Variants in FAM167A observed in about 807,000 individuals in gnomAD.
FAM167A encodes the protein protein FAM167A.
A neutral mutation model predicts 14.9 loss-of-function variants in FAM167A; 23 were observed. The ratio of observed to expected loss-of-function variants is 1.55; its 90% CI spans 1.11 to 2.19. FAM167A has a LOEUF of 2.19. FAM167A is among the 30% of genes most tolerant of loss of function. The pLI is 0.00. For missense variants in FAM167A, 401 were observed against 281.5 expected (o/e 1.42, Z -3.04); for synonymous variants, 174 against 117.7 (o/e 1.48, Z -3.10).
intron 1 of FAM167A, among the ~76,000 whole-genome samples, chr8:11,464,165 C>T (rs573580499): frequency 1.7e-3 from 254 of 152,200 alleles, no homozygotes; most frequent in African/African-American, 5.8e-3. Context: ...GGGAGCAGCC[C>T]CCCTTGAACT....
At chr8:11,443,540 C>T (rs566877981) in intron 2 of FAM167A, 15 of 166,628 alleles carry the variant, frequency 9.0e-5, no homozygotes, top group Admixed American at 7.2e-4. Flanking sequence ...CTCACAGCAG[C>T]GCCCTGCACA....
rs1057054458 is a variant in FAM167A at position 11,424,133 on chromosome 8, C to T, written c.*240G>A. On this transcript the variant is annotated 3_prime_UTR_variant, in exon 3 of 3. Coordinates refer to ENST00000284486, the MANE Select transcript of FAM167A (RefSeq NM_053279.3). ...GTCTCCTTTAACATCTTGGTTGGAGCGGCCCTTCTGCAGAGCTCTTTGGGT... is the reference window on the plus strand; with the variant it reads ...GTCTCCTTTAACATCTTGGTTGGAGTGGCCCTTCTGCAGAGCTCTTTGGGT... The T allele has an allele frequency of 2.5e-5, 13 of 525,000 alleles. No homozygotes were observed. The highest frequency in any genetic ancestry group is 1.9e-4 in the Admixed American group (6 of 31,440). The allele number at this position is 525,000 out of a possible 1,614,324, so 32.5% of individuals were successfully genotyped here.
chr8:11,467,221 A>C (rs1375691251), upstream of FAM167A, among the ~76,000 whole-genome samples: 1 of 152,238 alleles, frequency 6.6e-6, no homozygotes, highest in Non-Finnish European at 1.5e-5. Flanking sequence ...AAGTGTAGGC[A>C]TCTCTGGCTG....
intron 2 of FAM167A, chr8:11,438,488 G>C (rs1447331169): frequency 2.2e-6 from 1 of 457,254 alleles, no homozygotes; most frequent in Non-Finnish European, 4.4e-6. Context: ...GATTACATTG[G>C]CAAGGGAGAG....
intron 2 of FAM167A, among the ~76,000 whole-genome samples, chr8:11,436,969 C>G (rs906433389): frequency 6.6e-6 from 1 of 152,214 alleles, no homozygotes; most frequent in Non-Finnish European, 1.5e-5. Flanking sequence ...GCTATAGATT[C>G]CTGCCTGCGC....
chr8:11,436,125 A>G (rs1026746849), intron 2 of FAM167A, among the ~76,000 whole-genome samples: 2 of 152,210 alleles, frequency 1.3e-5, no homozygotes, highest in Non-Finnish European at 2.9e-5. Flanking sequence ...CACGTCACCA[A>G]GCATGGTCCG....
rs990091063 is a variant in FAM167A, at chr8:11,423,336, G to A, written c.*1037C>T. 6.6e-6 allele frequency: 1 copy of A among 152,574 alleles called. No individual in the cohort carries two copies. Among genetic ancestry groups the A allele is most frequent in the African/African-American group, 2.4e-5 (1 of 41,440 alleles). 9.5% of individuals were successfully genotyped at this position (152,574 alleles called of 1,614,324 possible). On this transcript the variant is annotated 3_prime_UTR_variant, in exon 3 of 3. Transcript: ENST00000284486. ...CGCACTGTAGTTGACCTACACAAGT[G>A]GCTTCCGCATTTGGACAAAAATCAG...
intron 1 of FAM167A, among the ~76,000 whole-genome samples, chr8:11,457,096 G>A (rs1368085858): frequency 2.5e-5 from 2 of 79,222 alleles, no homozygotes; most frequent in Admixed American, 2.5e-4. Context: ...CTGGGTTGGG[G>A]AAATGGGCGG....
At chr8:11,463,268 G>A (rs983831680) in intron 1 of FAM167A, among the ~76,000 whole-genome samples, 1 of 152,204 alleles carries the variant, frequency 6.6e-6, no homozygotes, top group East Asian at 1.9e-4. Flanking sequence ...TGACTGGAGG[G>A]ACTTAGGTCA....
Position 11,444,525 on chromosome 8 carries a change from G to T in FAM167A, c.-114C>A. 6.8e-7 allele frequency: 1 copy of T among 1,477,334 alleles called. No individual in the cohort carries two copies. Among genetic ancestry groups the T allele is most frequent in the Non-Finnish European group, 8.9e-7 (1 of 1,121,300 alleles). The allele number at this position is 1,477,334 out of a possible 1,614,324, so 91.5% of individuals were successfully genotyped here. A position where few individuals can be genotyped will look rare whatever the true frequency, so the allele number is the denominator to read the frequency against. ...GGATGGCCTCATCCAGGTGCCCGAG[G>T]GCATTTCCGGGACAGGAGCCGGCCT... On this transcript the variant is annotated 5_prime_UTR_variant, in exon 2 of 3. Coordinates refer to ENST00000284486, the MANE Select transcript of FAM167A (RefSeq NM_053279.3).
chr8:11,426,681 T>G (rs1032472194), intron 2 of FAM167A, among the ~76,000 whole-genome samples: 8 of 152,112 alleles, frequency 5.3e-5, no homozygotes, highest in Non-Finnish European at 2.9e-5. Context: ...AGGAAGAAAT[T>G]TTTTAAAGGT....
rs537742836 is a variant in FAM167A at position 11,424,330 on chromosome 8, C to G, written c.*43G>C. The G allele has an allele frequency of 2.5e-5, 40 of 1,607,234 alleles. No homozygotes were observed. Among genetic ancestry groups the G allele is most frequent in the Non-Finnish European group, 3.3e-5 (39 of 1,174,952 alleles). On this transcript the variant is annotated 3_prime_UTR_variant, in exon 3 of 3. Transcript: ENST00000284486. The stretch of plus-strand genomic sequence containing the variant: ...CAGCTTCCTCTGACACCCCTCCAGC[C>G]CAAGCCCTCCGCTCCAGCCCCTCCG...
intron 1 of FAM167A, among the ~76,000 whole-genome samples, chr8:11,462,333 G>A (rs1807575753): frequency 6.6e-6 from 1 of 152,210 alleles, no homozygotes; most frequent in East Asian, 1.9e-4. Context: ...AACCCTCCTA[G>A]GCCTAGGTTC....
intron 1 of FAM167A, among the ~76,000 whole-genome samples, chr8:11,465,424 G>C (rs1014569896): frequency 2.0e-5 from 3 of 152,230 alleles, no homozygotes. Flanking sequence ...ACGGATAATA[G>C]AGTCTCCTTG....
At chr8:11,451,001 G>A (rs1005186256) in intron 1 of FAM167A, among the ~76,000 whole-genome samples, 22 of 152,350 alleles carry the variant, frequency 1.4e-4, no homozygotes, top group Non-Finnish European at 2.9e-4. Flanking sequence ...CCTAGCTTGA[G>A]GGCCTCCTTG....
intron 1 of FAM167A, among the ~76,000 whole-genome samples, chr8:11,460,778 T>A (rs183135398): frequency 2.6e-5 from 4 of 152,268 alleles, no homozygotes; most frequent in Admixed American, 6.5e-5. Flanking sequence ...TGAGTGGCGC[T>A]GGCTGCGCTT....
At chr8:11,448,334 AG>A (rs113425613) in intron 1 of FAM167A, among the ~76,000 whole-genome samples, 23,372 of 152,242 alleles carry the variant, frequency 0.15, 2,130 homozygotes, top group Non-Finnish European at 0.21. Flanking sequence ...AGTCCTAATC[AG>A]GGATTCAATA....
At chr8:11,441,569 G>A (rs1361881557) in intron 2 of FAM167A, among the ~76,000 whole-genome samples, 2 of 152,148 alleles carry the variant, frequency 1.3e-5, no homozygotes, top group African/African-American at 2.4e-5. Flanking sequence ...CATGCCCAGT[G>A]GAACCCTCTG....
chr8:11,433,226 A>C (rs1805742553), intron 2 of FAM167A, among the ~76,000 whole-genome samples: 1 of 152,100 alleles, frequency 6.6e-6, no homozygotes. Context: ...AAAAATAAAA[A>C]AGAACATGTA....
Sources: gnomAD v4.1 joint callset for allele counts (sites outside exome capture counted in the v4.1 genomes callset) on GRCh38, gnomAD v4.1.1 for gene constraint, MANE v1.5 for transcripts, NCBI Gene and HGNC (gene_info 2026-07-23, HGNC 2026-07-21) for gene names.